Variants in WWOX observed in about 807,000 individuals in gnomAD.
The protein encoded by WWOX is WW domain containing oxidoreductase, also known as WW domain-containing oxidoreductase.
In WWOX, 69 loss-of-function variants were observed where a neutral mutation model predicts 46.2. That is an observed-to-expected ratio of 1.49 (90% CI 1.23 to 1.82). The LOEUF (loss-of-function observed/expected upper bound fraction) is 1.82, where lower values mean the gene tolerates loss of function less well. Ranked by LOEUF, WWOX falls within the 40% of genes most tolerant of loss-of-function variation. The pLI is 0.00. For missense variants in WWOX, 919 were observed against 542.6 expected (o/e 1.69, Z -6.89); for synonymous variants, 359 against 202.6 (o/e 1.77, Z -6.56).
intron 6 of WWOX, among the ~76,000 whole-genome samples, chr16:78,401,266 G>C (rs1055478340): frequency 1.3e-5 from 2 of 148,312 alleles, no homozygotes; most frequent in East Asian, 2.0e-4. Flanking sequence ...AGTGAAGATA[G>C]TAAATTAACA....
Position 78,407,698 on chromosome 16 carries a change from C to T in WWOX, c.606-17172C>T, listed in dbSNP as rs1342493308. ...TGATCAACTAGAACCACATCAACTT[C>T]TTCCCTCCAGCTTCAGTGATATATT... On this transcript the variant is annotated intron_variant, in intron 6 of 8. Coordinates refer to ENST00000566780, the MANE Select transcript of WWOX (RefSeq NM_016373.4). Among the ~76,000 whole-genome samples, 6 of 152,282 alleles carry T rather than the reference C, an allele frequency of 3.9e-5. 1 individual carries two copies. Among genetic ancestry groups the T allele is most frequent in the African/African-American group, 1.4e-4 (6 of 41,560 alleles).
At chr16:78,972,389 C>G (rs1182277221) in intron 8 of WWOX, among the ~76,000 whole-genome samples, 1 of 150,962 alleles carries the variant, frequency 6.6e-6, no homozygotes, top group African/African-American at 2.4e-5. Context: ...GGATCTTAAT[C>G]AGACATTATT....
chr16:78,726,360 G>T (rs188409472), intron 8 of WWOX, among the ~76,000 whole-genome samples: 131 of 151,932 alleles, frequency 8.6e-4, no homozygotes, highest in African/African-American at 3.0e-3. Flanking sequence ...CGGGTAGCTG[G>T]GACCACAGGT....
intron 8 of WWOX, among the ~76,000 whole-genome samples, chr16:78,695,221 TTATTC>T (rs2048073405): frequency 6.6e-6 from 1 of 152,180 alleles, no homozygotes; most frequent in Admixed American, 6.5e-5. Flanking sequence ...CCTTTTGTTA[TTATTC>T]TATTATTATT....
intron 8 of WWOX, among the ~76,000 whole-genome samples, chr16:79,013,040 G>T (rs369785422): frequency 1.3e-5 from 2 of 152,202 alleles, no homozygotes; most frequent in African/African-American, 4.8e-5. Flanking sequence ...CTGCATGTCA[G>T]CCTGAGCAAC....
At chr16:79,204,104 G>C (rs1327534070) in intron 8 of WWOX, 1 of 151,924 alleles carries the variant, frequency 6.6e-6, no homozygotes, top group Non-Finnish European at 1.5e-5. Flanking sequence ...TGGCACTTCT[G>C]CTTGGCTATT....
chr16:78,317,980 T>G, intron 5 of WWOX, among the ~76,000 whole-genome samples: 1 of 152,172 alleles, frequency 6.6e-6, no homozygotes, highest in East Asian at 1.9e-4. Context: ...AGTGACTTTT[T>G]CCTGATAGCT....
rs1020692767 is a variant in WWOX at position 78,473,790 on chromosome 16, C to T, written c.1056+41038C>T. On this transcript the variant is annotated intron_variant, in intron 8 of 8. Transcript: ENST00000566780. ...AAGATACGGCAGCCCACCAGTGGTC[C>T]CCTGAATGCCAACAAGAGTCACCTC... Among the ~76,000 whole-genome samples the T allele has an allele frequency of 2.0e-5, 3 of 152,052 alleles. No individual in the cohort carries two copies. The South Asian group carries it at 6.2e-4, about 32-fold the overall frequency.
At chr16:78,897,394 C>G (rs1206222702) in intron 8 of WWOX, 2 of 151,874 alleles carry the variant, frequency 1.3e-5, no homozygotes, top group South Asian at 2.1e-4. Context: ...TTTACCTGTT[C>G]TAGAACTTCA....
chr16:78,451,886 G>C (rs76783999), intron 8 of WWOX, among the ~76,000 whole-genome samples: 2 of 152,066 alleles, frequency 1.3e-5, no homozygotes, highest in African/African-American at 2.4e-5. Flanking sequence ...TTGGGGAGCC[G>C]CCATCATTCC....
chr16:79,019,869 C>A (rs757803063), intron 8 of WWOX, among the ~76,000 whole-genome samples: 1 of 152,176 alleles, frequency 6.6e-6, no homozygotes. Flanking sequence ...AGTTAAGCAA[C>A]CCCTCGGATC....
At chr16:78,235,369 C>T (rs1338327461) in intron 5 of WWOX, among the ~76,000 whole-genome samples, 2 of 152,078 alleles carry the variant, frequency 1.3e-5, no homozygotes, top group Non-Finnish European at 2.9e-5. Flanking sequence ...GCCTGCCAGG[C>T]CGGCTCATCT....
chr16:78,724,438 G>GCA (rs1468638836), intron 8 of WWOX, among the ~76,000 whole-genome samples: 1 of 152,060 alleles, frequency 6.6e-6, no homozygotes, highest in African/African-American at 2.4e-5. Flanking sequence ...ATGGCTTTTA[G>GCA]CACATTGCAC....
chr16:78,186,772 A>T (rs2035720318), intron 5 of WWOX, among the ~76,000 whole-genome samples: 1 of 152,230 alleles, frequency 6.6e-6, no homozygotes, highest in Non-Finnish European at 1.5e-5. Context: ...CTCAAAAGAA[A>T]AATAAATAAA....
chr16:78,924,210 C>T (rs540761242), intron 8 of WWOX, among the ~76,000 whole-genome samples: 2 of 152,040 alleles, frequency 1.3e-5, no homozygotes, highest in Non-Finnish European at 2.9e-5. Flanking sequence ...GTCTCTGAAG[C>T]TTGGTCTTGA....
chr16:79,188,506 A>G (rs1268319701), intron 8 of WWOX, among the ~76,000 whole-genome samples: 1 of 152,246 alleles, frequency 6.6e-6, no homozygotes, highest in Admixed American at 6.5e-5. Context: ...ATTGCCAGAG[A>G]AATCACAGAT....
intron 8 of WWOX, among the ~76,000 whole-genome samples, chr16:78,911,800 A>G (rs938878385): frequency 2.0e-5 from 3 of 152,042 alleles, no homozygotes; most frequent in Admixed American, 2.0e-4. Context: ...CGGGAAGCGG[A>G]GGTTGCAGGG....
At chr16:79,098,450 A>G (rs2049121170) in intron 8 of WWOX, among the ~76,000 whole-genome samples, 1 of 152,252 alleles carries the variant, frequency 6.6e-6, no homozygotes, top group Admixed American at 6.5e-5. Context: ...AAAGGAGTGC[A>G]TATTAAGAAC....
chr16:78,850,246 G>C (rs2052408489), intron 8 of WWOX, among the ~76,000 whole-genome samples: 1 of 152,094 alleles, frequency 6.6e-6, no homozygotes, highest in Non-Finnish European at 1.5e-5. Flanking sequence ...CATCACTCCA[G>C]ACAACAGCCA....
Sources: allele counts gnomAD v4.1 joint callset (sites outside exome capture counted in the v4.1 genomes callset), GRCh38; gene constraint gnomAD v4.1.1; transcripts MANE v1.5; gene names NCBI Gene and HGNC (gene_info 2026-07-23, HGNC 2026-07-21).